The following ITPR2 variants were observed in gnomAD, a reference collection of about 807,000 sequenced individuals.
The protein encoded by ITPR2 is inositol 1,4,5-trisphosphate-gated calcium channel ITPR2.
A neutral mutation model predicts 317.1 loss-of-function variants in ITPR2; 207 were observed. The ratio of observed to expected loss-of-function variants is 0.65; its 90% confidence interval spans 0.58 to 0.73. The LOEUF is 0.73. Ranked by LOEUF, ITPR2 falls within the 30% of genes least tolerant of loss-of-function variation. ITPR2 has a pLI of 0.00. For synonymous variants in ITPR2, 1,156 were observed against 1,149.1 expected, an observed-to-expected ratio of 1.01 and a Z score of -0.12; for missense variants, 2,613 against 3,284.0, an observed-to-expected ratio of 0.80 and a Z score of 4.99.
At chr12:26,418,478 G>T (rs917291260) in intron 50 of ITPR2, among the ~76,000 whole-genome samples, 1 of 151,866 alleles carries the variant, frequency 6.6e-6, no homozygotes, top group African/African-American at 2.4e-5. Context: ...GTAACCTTTA[G>T]AAAAAAATTT....
intron 15 of ITPR2, among the ~76,000 whole-genome samples, chr12:26,662,083 C>T (rs1947517296): frequency 6.6e-6 from 1 of 152,122 alleles, no homozygotes; most frequent in African/African-American, 2.4e-5. Flanking sequence ...CTATTCCTTG[C>T]CATATTATTT....
At chr12:26,745,025 T>G (rs552079584) in intron 2 of ITPR2, among the ~76,000 whole-genome samples, 1 of 152,334 alleles carries the variant, frequency 6.6e-6, no homozygotes, top group Admixed American at 6.5e-5. Context: ...TAAAATGTTT[T>G]GCAAAAATGA....
At chr12:26,657,097 T>C (rs1327487767) in intron 18 of ITPR2, among the ~76,000 whole-genome samples, 2 of 152,250 alleles carry the variant, frequency 1.3e-5, no homozygotes, top group African/African-American at 2.4e-5. Context: ...CTTTGTCTGA[T>C]TCTTGCCATT....
chr12:26,403,929 T>C (rs2136657355), intron 52 of ITPR2, among the ~76,000 whole-genome samples: 1 of 152,184 alleles, frequency 6.6e-6, no homozygotes, highest in African/African-American at 2.4e-5. Context: ...GAGCTCTCTG[T>C]GAAGCTGTAG....
intron 12 of ITPR2, among the ~76,000 whole-genome samples, 196 bp from the exon 13 acceptor site, chr12:26,682,230 C>A (rs998711386): frequency 6.6e-6 from 1 of 152,142 alleles, no homozygotes; most frequent in African/African-American, 2.4e-5. Flanking sequence ...GCCCTGTTCC[C>A]AAAGCCCCAC....
intron 8 of ITPR2, among the ~76,000 whole-genome samples, chr12:26,714,694 G>A (rs1471071569): frequency 6.6e-6 from 1 of 152,100 alleles, no homozygotes; most frequent in Non-Finnish European, 1.5e-5. Context: ...CTTGTTCATA[G>A]GCAATTCTGT....
intron 2 of ITPR2, among the ~76,000 whole-genome samples, chr12:26,784,331 C>CG (rs1950161124): frequency 7.0e-5 from 3 of 42,892 alleles, no homozygotes; most frequent in Admixed American, 2.2e-4. Flanking sequence ...CTCTCCCTCT[C>CG]CCTCTCCCTC....
At position 26,663,938 on chromosome 12, in the gene ITPR2, A is replaced by T. The variant is rs1403530766; in HGVS notation, c.1552-92T>A. On this transcript the variant is annotated intron_variant, in intron 14 of 56. Transcript: ENST00000381340. Reference sequence around the variant, plus strand: ...AAATAAGAACATTGATTCAAAAAACACTTATATAAATTTGAGTATTAGAGT... The same window carrying T: ...AAATAAGAACATTGATTCAAAAAACTCTTATATAAATTTGAGTATTAGAGT... The T allele has an allele frequency of 5.1e-6, 6 of 1,180,164 alleles. No individual in the cohort carries two copies. In the African/African-American group the frequency reaches 7.7e-5, roughly 15 times the overall value. The allele number at this position is 1,180,164 out of a possible 1,614,324, so 73.1% of individuals were successfully genotyped here. A position where few individuals can be genotyped will look rare whatever the true frequency, so the allele number is the denominator to read the frequency against.
In ITPR2 at chr12:26,826,031, A is replaced by G. The variant is rs148945707; in HGVS notation, c.92+6659T>C. ...TTTGGAAGAGTTCTGTTTGGAAGATACTAAACATCTTATACAAAAATAAAA... is the reference window on the plus strand; with the variant it reads ...TTTGGAAGAGTTCTGTTTGGAAGATGCTAAACATCTTATACAAAAATAAAA... On this transcript the variant is annotated intron_variant, in intron 1 of 56. Coordinates refer to ENST00000381340, the MANE Select transcript of ITPR2 (RefSeq NM_002223.4). 8.0e-3 allele frequency among the ~76,000 whole-genome samples: 1,220 copies of G among 152,352 alleles called. 13 individuals carry two copies. The highest frequency in any genetic ancestry group is 0.013 in the Non-Finnish European group (860 of 68,036).
At chr12:26,586,231 A>G (rs116747648) in intron 32 of ITPR2, among the ~76,000 whole-genome samples, 2,611 of 151,988 alleles carry the variant, frequency 0.017, 85 homozygotes, top group African/African-American at 0.06. Flanking sequence ...TACAGCCTCA[A>G]ACTCCTGGGC....
At chr12:26,547,979 G>A (rs1437533606) in intron 37 of ITPR2, among the ~76,000 whole-genome samples, 1 of 152,198 alleles carries the variant, frequency 6.6e-6, no homozygotes, top group African/African-American at 2.4e-5. Flanking sequence ...CAAAGAGGAA[G>A]GAGTTCCAAT....
rs185362820 is a variant in ITPR2 at position 26,526,628 on chromosome 12, A to G, written c.5073+23619T>C. On this transcript the variant is annotated intron_variant, in intron 37 of 56. Transcript: ENST00000381340. Reference sequence around the variant, plus strand: ...ATTTATCATTTACAACTGTTACTCTATGAAAAAAAAAGATTGGAGGTTACA... The same window carrying G: ...ATTTATCATTTACAACTGTTACTCTGTGAAAAAAAAAGATTGGAGGTTACA... 1.5e-3 allele frequency among the ~76,000 whole-genome samples: 234 copies of G among 152,316 alleles called. 1 individual carries two copies. The highest frequency in any genetic ancestry group is 5.6e-3 in the African/African-American group (231 of 41,570).
At chr12:26,632,751 A>G (rs576161451) in intron 21 of ITPR2, among the ~76,000 whole-genome samples, 4 of 152,332 alleles carry the variant, frequency 2.6e-5, no homozygotes, top group African/African-American at 9.6e-5. Context: ...ATCATTTTCA[A>G]TGAGGGAGGG....
chr12:26,380,556 C>T lies in ITPR2; in HGVS notation c.7857+6878G>A, dbSNP rs150314478. 4.0e-3 allele frequency among the ~76,000 whole-genome samples: 605 copies of T among 152,256 alleles called. 2 individuals are homozygous for T. Among genetic ancestry groups the T allele is most frequent in the Non-Finnish European group, 7.3e-3 (499 of 68,006 alleles). On this transcript the variant is annotated intron_variant, in intron 55 of 56. Coordinates refer to ENST00000381340, the MANE Select transcript of ITPR2 (RefSeq NM_002223.4). Reference sequence around the variant, plus strand: ...AAATGTAAACATTTAAAATTAAGTTCTGAAGTCTTTAAAATAGTGTTTAGT... The same window carrying T: ...AAATGTAAACATTTAAAATTAAGTTTTGAAGTCTTTAAAATAGTGTTTAGT...
At chr12:26,799,789 T>A (rs986269226) in intron 1 of ITPR2, among the ~76,000 whole-genome samples, 2 of 152,212 alleles carry the variant, frequency 1.3e-5, no homozygotes, top group African/African-American at 2.4e-5. Context: ...ACAGTTCTCA[T>A]GAAAGTCAAA....
At chr12:26,723,000 C>A (rs185590802) in intron 4 of ITPR2, among the ~76,000 whole-genome samples, 3 of 152,230 alleles carry the variant, frequency 2.0e-5, no homozygotes, top group Admixed American at 2.0e-4. Flanking sequence ...CCACAGTCAG[C>A]CCTGATTCTT....
intron 37 of ITPR2, among the ~76,000 whole-genome samples, chr12:26,505,791 A>G (rs965998306): frequency 6.6e-6 from 1 of 152,162 alleles, no homozygotes; most frequent in Admixed American, 6.5e-5. Context: ...TGTATGAATC[A>G]ATGATTTTGA....
intron 37 of ITPR2, among the ~76,000 whole-genome samples, chr12:26,531,386 T>C (rs953415847): frequency 2.0e-5 from 3 of 152,228 alleles, no homozygotes; most frequent in South Asian, 2.1e-4. Context: ...ACACTGGTCA[T>C]GTGTAATAAA....
chr12:26,829,313 A>G (rs975634494), intron 1 of ITPR2, among the ~76,000 whole-genome samples: 3 of 151,982 alleles, frequency 2.0e-5, no homozygotes, highest in African/African-American at 7.3e-5. Flanking sequence ...TTTGATGCAC[A>G]TTTGTCAAAT....
Sources: gnomAD v4.1 joint callset for allele counts (sites outside exome capture counted in the v4.1 genomes callset) on GRCh38, gnomAD v4.1.1 for gene constraint, MANE v1.5 for transcripts, NCBI Gene and HGNC (gene_info 2026-07-23, HGNC 2026-07-21) for gene names.